SYT11: variants seen among roughly 807,000 people sequenced by gnomAD.
SYT11 encodes the protein synaptotagmin 11.
Under a neutral mutation model 30.4 loss-of-function variants are expected in SYT11, and 12 were observed. The observed-to-expected ratio is 0.39, with a 90% CI of 0.25 to 0.64. SYT11 has a LOEUF of 0.64. Ranked by LOEUF, SYT11 falls within the 30% of genes least tolerant of loss-of-function variation. The pLI, the probability that SYT11 is intolerant of heterozygous loss-of-function variation, is 0.45. For synonymous variants in SYT11, 204 were observed against 216.0 expected, an observed-to-expected ratio of 0.94 and a Z score of 0.49; for missense variants, 412 against 552.0, an observed-to-expected ratio of 0.75 and a Z score of 2.54.
At chr1:155,875,017 G>C (rs994982424) in intron 2 of SYT11, among the ~76,000 whole-genome samples, 7 of 150,598 alleles carry the variant, frequency 4.6e-5, no homozygotes, top group African/African-American at 1.7e-4. Flanking sequence ...CACTTTGGGA[G>C]GCTGAGGCAG....
rs1370377692 is a variant in SYT11 at position 155,868,042 on chromosome 1, T to C, written c.112T>C (p.Ser38Pro). The part of the protein sequence containing the change: ...VCVSVTVFVW[S>P]CCHQQAEKKQ... The stretch of plus-strand genomic sequence containing the variant: ...TGTCTCGGTGACCGTCTTTGTCTGG[T>C]CATGCTGCCACCAGCAGGCAGAGAA... Residue 38 changes from serine to proline, a missense_variant, in exon 2 of 4, where the codon TCA (serine) becomes CCA (proline). By Grantham distance (74) the Ser-to-Pro change is moderately conservative. Coordinates refer to ENST00000368324, the MANE Select transcript of SYT11 (RefSeq NM_152280.5). This position sits in a 1 kb window ranked among gnomAD's most constrained non-coding sequence, Gnocchi z 4.7. 6.2e-7 allele frequency: 1 copy of C among 1,613,488 alleles called. No individual in the cohort carries two copies. Among genetic ancestry groups the C allele is most frequent in the Non-Finnish European group, 8.5e-7 (1 of 1,179,818 alleles).
intron 2 of SYT11, among the ~76,000 whole-genome samples, chr1:155,877,797 C>T (rs1672892590): frequency 1.3e-5 from 2 of 152,206 alleles, no homozygotes; most frequent in South Asian, 2.1e-4. Flanking sequence ...AACTCGTGAT[C>T]CGCCTGCCTC....
chr1:155,881,649 C>T lies in SYT11; in HGVS notation c.*141C>T, dbSNP rs1672964805. The stretch of plus-strand genomic sequence containing the variant: ...TACAAAACAAATTCCACAAAGAACA[C>T]CCTATATGACCACAGCTGCAGATCA... On this transcript the variant is annotated 3_prime_UTR_variant, in exon 4 of 4. Transcript: ENST00000368324. The T allele has an allele frequency of 1.4e-6, 1 of 696,710 alleles. No individual in the cohort carries two copies. Among genetic ancestry groups the T allele is most frequent in the Non-Finnish European group, 2.4e-6 (1 of 418,596 alleles). The allele number at this position is 696,710 out of a possible 1,614,324, so 43.2% of individuals were successfully genotyped here.
intron 1 of SYT11, among the ~76,000 whole-genome samples, chr1:155,863,917 C>CA (rs527788871): frequency 1.3e-3 from 175 of 133,762 alleles, no homozygotes; most frequent in Middle Eastern, 8.1e-3. Flanking sequence ...GACTCCATCT[C>CA]AAAAAAAAAA....
Position 155,859,742 on chromosome 1 carries a change from C to A in SYT11, c.-20C>A. 1 of 1,613,798 alleles carries A rather than the reference C, an allele frequency of 6.2e-7. No individual in the cohort carries two copies. The highest frequency in any genetic ancestry group is 8.5e-7 in the Non-Finnish European group (1 of 1,179,666). ...TCTCACCATTGCAAAAACGTTATAG[C>A]AACAGCCTCTGATTACGACATGGCT... On this transcript the variant is annotated 5_prime_UTR_variant, in exon 1 of 4. Coordinates refer to ENST00000368324, the MANE Select transcript of SYT11 (RefSeq NM_152280.5).
At chr1:155,877,648 G>T (rs1672887319) in intron 2 of SYT11, among the ~76,000 whole-genome samples, 1 of 151,662 alleles carries the variant, frequency 6.6e-6, no homozygotes, top group African/African-American at 2.4e-5. Context: ...CCGCCTCCCG[G>T]GTTCACGCCA....
chr1:155,875,295 G>T (rs1423269382), intron 2 of SYT11, among the ~76,000 whole-genome samples: 2 of 151,088 alleles, frequency 1.3e-5, no homozygotes, highest in African/African-American at 2.4e-5. Flanking sequence ...TATGGGTAAG[G>T]ACAAAATGTG....
chr1:155,870,479 A>G (rs935417148), intron 2 of SYT11, among the ~76,000 whole-genome samples: 1 of 152,200 alleles, frequency 6.6e-6, no homozygotes, highest in Non-Finnish European at 1.5e-5. Context: ...AAGACAAGGG[A>G]GGAATTGGTG....
Position 155,868,984 on chromosome 1 carries a change from A to G in SYT11, c.861+193A>G, listed in dbSNP as rs2102558458. 6.6e-6 allele frequency among the ~76,000 whole-genome samples: 1 copy of G among 152,296 alleles called. No homozygotes were observed. ...GCAGATGAGGTCTCCTCTAAGAAGC[A>G]ACTTCCTGGTGAGAGAAGGTTCAAT... is the stretch of plus-strand genomic sequence containing the variant. On this transcript the variant is annotated intron_variant, in intron 2 of 3. Transcript: ENST00000368324. This position sits in a 1 kb window ranked among gnomAD's most constrained non-coding sequence, Gnocchi z 4.7.
At chr1:155,874,329 G>T (rs1672826520) in intron 2 of SYT11, among the ~76,000 whole-genome samples, 1 of 151,936 alleles carries the variant, frequency 6.6e-6, no homozygotes, top group Admixed American at 6.6e-5. Flanking sequence ...ACCAAGCATG[G>T]TGGCTCACAC....
intron 2 of SYT11, among the ~76,000 whole-genome samples, chr1:155,870,189 A>G (rs868375432): frequency 2.9e-4 from 44 of 152,332 alleles, no homozygotes; most frequent in Middle Eastern, 3.4e-3. Flanking sequence ...AGGGTATAAC[A>G]TAAGTGGTTA....
Position 155,881,191 on chromosome 1 carries a change from G to T in SYT11, c.986-7G>T, listed in dbSNP as rs1242132648. On this transcript the variant is annotated splice_region_variant and splice_polypyrimidine_tract_variant and intron_variant, in intron 3 of 3. Transcript: ENST00000368324. The stretch of plus-strand genomic sequence containing the variant: ...CTCCCTTTTTCTTATCTCTTTGGGG[G>T]CCCCAGATCCTTATGTCAAGGTGAA... 1.9e-6 allele frequency: 3 copies of T among 1,608,126 alleles called. No individual in the cohort carries two copies. The highest frequency in any genetic ancestry group is 2.5e-6 in the Non-Finnish European group (3 of 1,176,548).
At chr1:155,871,179 T>C (rs989889053) in intron 2 of SYT11, among the ~76,000 whole-genome samples, 1 of 151,908 alleles carries the variant, frequency 6.6e-6, no homozygotes, top group African/African-American at 2.4e-5. Context: ...CCTGAAGGGG[T>C]TTTCGCATCC....
At chr1:155,876,346 C>T (rs1361401582) in intron 2 of SYT11, among the ~76,000 whole-genome samples, 2 of 149,168 alleles carry the variant, frequency 1.3e-5, no homozygotes, top group African/African-American at 2.5e-5. Flanking sequence ...CCCAGGTTCA[C>T]GCCATTCTCC....
Position 155,868,844 on chromosome 1 carries a change from C to A in SYT11, c.861+53C>A, listed in dbSNP as rs966691277. Reference sequence around the variant, plus strand: ...AATGGTAGGTTGGGGGAGAAAATATCTCAGGGGATAAATGGAAGTGGGAGG... The same window carrying A: ...AATGGTAGGTTGGGGGAGAAAATATATCAGGGGATAAATGGAAGTGGGAGG... On this transcript the variant is annotated intron_variant, in intron 2 of 3. Transcript: ENST00000368324. The surrounding 1 kb of genome is among the most constrained non-coding windows in gnomAD (Gnocchi z 4.7). 1.0e-4 allele frequency: 157 copies of A among 1,528,696 alleles called. No individual in the cohort carries two copies. The highest frequency in any genetic ancestry group is 1.4e-4 in the Non-Finnish European group (152 of 1,124,722). 94.7% of individuals were successfully genotyped at this position (1,528,696 alleles called of 1,614,324 possible). A position where few individuals can be genotyped will look rare whatever the true frequency, so the allele number is the denominator to read the frequency against.
intron 1 of SYT11, among the ~76,000 whole-genome samples, chr1:155,863,005 T>C (rs1381550387): frequency 6.6e-6 from 1 of 152,230 alleles, no homozygotes; most frequent in Non-Finnish European, 1.5e-5. Context: ...TGCCTTCAAG[T>C]AGCTTACTAC....
rs1672986138 is a variant in SYT11 at position 155,882,076 on chromosome 1, G to A, written c.*568G>A. ...TTTTTAATGGGGGACAAAAGAGAGGGAAAGACCCCTATAAATCTATATATA... is the reference window on the plus strand; with the variant it reads ...TTTTTAATGGGGGACAAAAGAGAGGAAAAGACCCCTATAAATCTATATATA... On this transcript the variant is annotated 3_prime_UTR_variant, in exon 4 of 4. Transcript: ENST00000368324. The A allele has an allele frequency of 6.6e-6, 1 of 151,810 alleles. No homozygotes were observed. 9.4% of individuals were successfully genotyped at this position (151,810 alleles called of 1,614,324 possible). A position where few individuals can be genotyped will look rare whatever the true frequency, so the allele number is the denominator to read the frequency against.
chr1:155,868,343 G>A lies in SYT11; in HGVS notation c.413G>A (p.Ser138Asn). The change falls in exon 2 of 4, where the codon AGC becomes AAC. Residue 138 changes from serine (S) to asparagine (N), a missense_variant. By Grantham distance (46) the Ser-to-Asn change is conservative. Coordinates refer to ENST00000368324, the MANE Select transcript of SYT11 (RefSeq NM_152280.5). This position sits in a 1 kb window ranked among gnomAD's most constrained non-coding sequence, Gnocchi z 4.7. ...GAAGAACTAAGGAGCCCTATTACAA[G>A]CCTGACCCCTGGGGAGAGCAAAACC... Reference protein sequence around the residue: ...YGEELRSPITSLTPGESKTTS... With the variant: ...YGEELRSPITNLTPGESKTTS... 6.2e-7 allele frequency: 1 copy of A among 1,614,000 alleles called. No homozygotes were observed. Among genetic ancestry groups the A allele is most frequent in the Non-Finnish European group, 8.5e-7 (1 of 1,179,984 alleles).
Position 155,872,134 on chromosome 1 carries a change from C to T in SYT11, c.861+3343C>T, listed in dbSNP as rs187485417. ...GAAAATATGGCCAGGCACAGTGGCT[C>T]ACCCCTGTAATACTAGCACTTTGGA... On this transcript the variant is annotated intron_variant, in intron 2 of 3. Transcript: ENST00000368324. 8.5e-5 allele frequency among the ~76,000 whole-genome samples: 13 copies of T among 152,266 alleles called. No homozygotes were observed. In the East Asian group the frequency reaches 1.7e-3, roughly 20 times the overall value.
Sources: allele counts gnomAD v4.1 joint callset (sites outside exome capture counted in the v4.1 genomes callset), GRCh38; gene constraint gnomAD v4.1.1; non-coding constraint Gnocchi (gnomAD v3.1); transcripts MANE v1.5; gene names NCBI Gene and HGNC (gene_info 2026-07-23, HGNC 2026-07-21).